The following SUN1 variants were observed in gnomAD, a reference collection of about 807,000 sequenced individuals.
SUN1 encodes SUN domain-containing protein 1.
SUN1 carries 61 observed loss-of-function variants against 103.2 expected under a neutral mutation model. That is an observed-to-expected ratio of 0.59 (90% CI 0.48 to 0.73). The LOEUF is 0.73. Ranked by LOEUF, SUN1 falls within the 30% of genes least tolerant of loss-of-function variation. The probability of loss-of-function intolerance (pLI) is 0.00; values close to 1 mark genes in which losing one functional copy is unlikely to be tolerated. For synonymous variants in SUN1, 490 were observed against 425.7 expected (o/e 1.15, Z -1.86); for missense variants, 1,052 against 1,034.6 (o/e 1.02, Z -0.23).
intron 1 of SUN1, among the ~76,000 whole-genome samples, chr7:820,594 T>C (rs1785009631): frequency 6.6e-6 from 1 of 152,210 alleles, no homozygotes; most frequent in Non-Finnish European, 1.5e-5. Context: ...ACTTCCAGTA[T>C]AGTGTTGAAG....
chr7:848,667 G>C (rs1373790524), intron 5 of SUN1: 11 of 1,251,054 alleles, frequency 8.8e-6, no homozygotes, highest in Non-Finnish European at 1.1e-5. Context: ...TTTCGCAGTG[G>C]AGAAAGTGCT....
At chr7:830,848 G>T (rs1797269788), upstream of SUN1, 2 of 707,824 alleles carry the variant, frequency 2.8e-6, no homozygotes, top group Non-Finnish European at 3.5e-6. Context: ...GCTGAGCCCA[G>T]CTTTGGGTTG....
chr7:870,797 A>T (rs1213816579), intron 17 of SUN1, among the ~76,000 whole-genome samples: 1 of 151,954 alleles, frequency 6.6e-6, no homozygotes, highest in African/African-American at 2.4e-5. Flanking sequence ...CGAGACACTC[A>T]CAGGTGGCGT....
intron 1 of SUN1, among the ~76,000 whole-genome samples, chr7:838,079 G>GTC (rs1447576822): frequency 6.6e-6 from 1 of 152,218 alleles, no homozygotes; most frequent in African/African-American, 2.4e-5. Flanking sequence ...GTATGACAGG[G>GTC]TCTAGCTCTG....
rs145935129 is a variant in SUN1 at position 826,345 on chromosome 7, C to T, written c.-74+9672C>T. On this transcript the variant is annotated intron_variant, in intron 1 of 17. Transcript: ENST00000389574. Reference sequence around the variant, plus strand: ...AGGATGAGCGAAGATGAGGATTGAGCGAGCATGTGTGTCTGTGTGTGTGCG... The same window carrying T: ...AGGATGAGCGAAGATGAGGATTGAGTGAGCATGTGTGTCTGTGTGTGTGCG... 4.4e-3 allele frequency among the ~76,000 whole-genome samples: 338 copies of T among 77,496 alleles called. 2 individuals carry two copies. The highest frequency in any genetic ancestry group is 8.2e-3 in the South Asian group (19 of 2,312). The allele number at this position is 77,496 out of a possible 152,430, so 50.8% of individuals were successfully genotyped here. A position where few individuals can be genotyped will look rare whatever the true frequency, so the allele number is the denominator to read the frequency against.
intron 5 of SUN1, among the ~76,000 whole-genome samples, chr7:846,911 G>A (rs1378020692): frequency 2.0e-5 from 3 of 152,142 alleles, no homozygotes; most frequent in Admixed American, 1.3e-4. Context: ...CTACTTGGGC[G>A]GCTGAGGCAG....
upstream of SUN1, among the ~76,000 whole-genome samples, chr7:829,783 C>T (rs1370540769): frequency 6.6e-6 from 1 of 151,972 alleles, no homozygotes; most frequent in Non-Finnish European, 1.5e-5. Flanking sequence ...CTCGATCTCT[C>T]GACCTCATGA....
chr7:849,397 TG>T, intron 5 of SUN1: 1 of 670,240 alleles, frequency 1.5e-6, no homozygotes, highest in Non-Finnish European at 2.3e-6. Context: ...CCATCGGCTG[TG>T]GGAACTCTGT....
chr7:865,832 A>T (rs1266655528), intron 15 of SUN1, 120 bp from the exon 16 acceptor site: 1 of 750,522 alleles, frequency 1.3e-6, no homozygotes, highest in African/African-American at 1.7e-5. Context: ...ATTTCTCTGA[A>T]TATCAGTGAT....
intron 17 of SUN1, 103 bp from the exon 18 acceptor site, chr7:872,367 G>C (rs1367649382): frequency 1.4e-5 from 13 of 898,924 alleles, no homozygotes; most frequent in South Asian, 4.7e-5. Flanking sequence ...GATGTGGAGG[G>C]AAACGGTCCT....
intron 5 of SUN1, chr7:851,133 C>T (rs999569227): frequency 6.7e-6 from 2 of 297,680 alleles, no homozygotes; most frequent in Non-Finnish European, 1.3e-5. Flanking sequence ...GCATTTTACA[C>T]CTGAAGTATC....
chr7:856,910 G>C (rs568094985), intron 12 of SUN1, among the ~76,000 whole-genome samples: 2 of 152,328 alleles, frequency 1.3e-5, no homozygotes, highest in South Asian at 2.1e-4. Context: ...GGCGTGTCAC[G>C]GTGGGCCTCT....
chr7:818,215 G>A (rs907236502), intron 1 of SUN1, among the ~76,000 whole-genome samples: 6 of 152,118 alleles, frequency 3.9e-5, no homozygotes, highest in East Asian at 3.8e-4. Flanking sequence ...CCCAGGCCCC[G>A]GCAACGGCTA....
intron 17 of SUN1, 110 bp downstream of exon 17, chr7:869,626 G>T (rs914144591): frequency 2.3e-6 from 3 of 1,305,212 alleles, no homozygotes; most frequent in Non-Finnish European, 2.1e-6. Flanking sequence ...CTGCCCCTCC[G>T]CCCTCTCTCA....
chr7:858,047 T>A (rs947116916), intron 13 of SUN1, 90 bp downstream of exon 13: 49 of 1,377,526 alleles, frequency 3.6e-5, no homozygotes, highest in African/African-American at 4.4e-5. Flanking sequence ...CTGTTTAATT[T>A]TTTATTTATT....
intron 1 of SUN1, among the ~76,000 whole-genome samples, chr7:821,012 A>C (rs1334225346): frequency 6.6e-6 from 1 of 151,950 alleles, no homozygotes; most frequent in African/African-American, 2.4e-5. Context: ...GTCAGTTTTT[A>C]TTCATCTATC....
intron 1 of SUN1, among the ~76,000 whole-genome samples, chr7:837,772 C>T (rs1170001883): frequency 1.3e-5 from 2 of 152,242 alleles, no homozygotes; most frequent in Non-Finnish European, 2.9e-5. Context: ...CACTGGTGTC[C>T]TCCTGCAGGG....
At chr7:821,696 C>G (rs1379396514) in intron 1 of SUN1, among the ~76,000 whole-genome samples, 1 of 152,150 alleles carries the variant, frequency 6.6e-6, no homozygotes, top group African/African-American at 2.4e-5. Context: ...AACCCTTGCC[C>G]TTACCGCAGC....
At chr7:821,142 T>A (rs1421501146) in intron 1 of SUN1, among the ~76,000 whole-genome samples, 1 of 145,718 alleles carries the variant, frequency 6.9e-6, no homozygotes, top group Non-Finnish European at 1.5e-5. Context: ...GATGCTAACA[T>A]CTATATTCAG....
Sources: gnomAD v4.1 joint callset for allele counts (sites outside exome capture counted in the v4.1 genomes callset) on GRCh38, gnomAD v4.1.1 for gene constraint, MANE v1.5 for transcripts, NCBI Gene and HGNC (gene_info 2026-07-23, HGNC 2026-07-21) for gene names.